PRICKLE2: variants seen among roughly 807,000 people sequenced by gnomAD.
PRICKLE2 encodes prickle planar cell polarity protein 2.
In PRICKLE2, 21 loss-of-function variants were observed where a neutral mutation model predicts 81.4. The ratio of observed to expected loss-of-function variants is 0.26; its 90% CI spans 0.18 to 0.37. PRICKLE2 has a LOEUF of 0.37. Among genes scored for constraint, PRICKLE2 ranks in the 10% least tolerant of loss-of-function variants. The probability of loss-of-function intolerance (pLI) is 1.00; values close to 1 mark genes in which losing one functional copy is unlikely to be tolerated. For missense variants in PRICKLE2, 940 were observed against 1,109.0 expected (o/e 0.85, Z 2.16); for synonymous variants, 456 against 421.5 (o/e 1.08, Z -1.00).
chr3:64,238,933 C>T (rs2079221307), intron 2 of PRICKLE2, among the ~76,000 whole-genome samples: 1 of 152,132 alleles, frequency 6.6e-6, no homozygotes, highest in Non-Finnish European at 1.5e-5. Context: ...AGTCAGCCCA[C>T]CCAACCCAAG....
At chr3:64,197,399 AGTATCT>A (rs2078475663) in intron 2 of PRICKLE2, among the ~76,000 whole-genome samples, 1 of 152,152 alleles carries the variant, frequency 6.6e-6, no homozygotes. Flanking sequence ...CGTTCCTTTA[AGTATCT>A]GTTCATGACC....
intron 7 of PRICKLE2, among the ~76,000 whole-genome samples, chr3:64,123,914 A>G (rs1015344933): frequency 6.6e-6 from 1 of 152,156 alleles, no homozygotes; most frequent in Non-Finnish European, 1.5e-5. Context: ...TAGGTGTTCA[A>G]GTGAAAGGAA....
intron 2 of PRICKLE2, among the ~76,000 whole-genome samples, chr3:64,242,446 G>T (rs1193099888): frequency 6.6e-6 from 1 of 152,082 alleles, no homozygotes; most frequent in African/African-American, 2.4e-5. Flanking sequence ...CCTAGAAAAG[G>T]TATTTTAAAA....
At chr3:64,142,500 G>T (rs149881756) in intron 7 of PRICKLE2, among the ~76,000 whole-genome samples, 4 of 151,916 alleles carry the variant, frequency 2.6e-5, no homozygotes, top group Admixed American at 2.6e-4. Context: ...TAGTAGAGAC[G>T]GGGTTTTGCC....
intron 2 of PRICKLE2, among the ~76,000 whole-genome samples, chr3:64,263,681 G>A (rs1196544507): frequency 6.6e-6 from 1 of 152,108 alleles, no homozygotes; most frequent in Non-Finnish European, 1.5e-5. Flanking sequence ...ATTATGGATT[G>A]GAGGCAAGAA....
At chr3:64,183,197 A>C (rs573707652) in intron 2 of PRICKLE2, among the ~76,000 whole-genome samples, 2 of 152,288 alleles carry the variant, frequency 1.3e-5, no homozygotes, top group Admixed American at 6.5e-5. Flanking sequence ...ATTTGAACAA[A>C]TACAATTAGG....
intron 2 of PRICKLE2, among the ~76,000 whole-genome samples, chr3:64,266,116 G>C (rs530981318): frequency 3.7e-4 from 56 of 152,106 alleles, no homozygotes; most frequent in Admixed American, 3.6e-3. Context: ...TGTACCATCT[G>C]AGGCTGATTC....
intron 2 of PRICKLE2, among the ~76,000 whole-genome samples, chr3:64,255,993 C>G (rs2079519201): frequency 6.6e-6 from 1 of 152,158 alleles, no homozygotes; most frequent in African/African-American, 2.4e-5. Context: ...AGGAAAAAAG[C>G]AAGCTGGGTC....
intron 1 of PRICKLE2, among the ~76,000 whole-genome samples, chr3:64,205,556 C>T (rs146985771): frequency 3.3e-5 from 5 of 152,120 alleles, no homozygotes; most frequent in Admixed American, 2.0e-4. Context: ...TTTACAACAC[C>T]GAACCCTGAA....
At position 64,098,911 on chromosome 3, in the gene PRICKLE2, T is replaced by C. The variant is rs1159329514; in HGVS notation, c.*140A>G. On this transcript the variant is annotated 3_prime_UTR_variant, in exon 8 of 8. Coordinates refer to ENST00000638394, the MANE Select transcript of PRICKLE2 (RefSeq NM_198859.4). Reference sequence around the variant, plus strand: ...CTACCTATTGAGTCAACCTGTAACCTTGCCTCCATCTACTGACAGCATTTT... The same window carrying C: ...CTACCTATTGAGTCAACCTGTAACCCTGCCTCCATCTACTGACAGCATTTT... 3 of 889,234 alleles carry C rather than the reference T, an allele frequency of 3.4e-6. No homozygotes were observed. The highest frequency in any genetic ancestry group is 1.8e-5 in the Admixed American group (1 of 54,286). 55.1% of individuals were successfully genotyped at this position (889,234 alleles called of 1,614,324 possible).
At chr3:64,228,190 G>C (rs2079055139), upstream of PRICKLE2, among the ~76,000 whole-genome samples, 1 of 152,176 alleles carries the variant, frequency 6.6e-6, no homozygotes, top group Non-Finnish European at 1.5e-5. Context: ...CACTGTGCTA[G>C]GGTCTGGGGA....
intron 7 of PRICKLE2, among the ~76,000 whole-genome samples, chr3:64,135,793 G>A (rs1171588761): frequency 6.6e-6 from 1 of 152,160 alleles, no homozygotes; most frequent in East Asian, 1.9e-4. Context: ...GAAAACTGGG[G>A]AGAGTGAAAC....
rs1409963646 is a variant in PRICKLE2 at position 64,139,203 on chromosome 3, C to T, written c.1660+7627G>A. Among the ~76,000 whole-genome samples, 4 of 139,742 alleles carry T rather than the reference C, an allele frequency of 2.9e-5. No homozygotes were observed. In the South Asian group the frequency reaches 6.9e-4, roughly 24 times the overall value. 91.7% of individuals were successfully genotyped at this position (139,742 alleles called of 152,430 possible). On this transcript the variant is annotated intron_variant, in intron 7 of 7. Coordinates refer to ENST00000638394, the MANE Select transcript of PRICKLE2 (RefSeq NM_198859.4). ...AGGTGTGTAAAAGGCATGGCCTTGACACAACAATGCAACACTGATCAAAGA... is the reference window on the plus strand; with the variant it reads ...AGGTGTGTAAAAGGCATGGCCTTGATACAACAATGCAACACTGATCAAAGA...
chr3:64,234,437 T>C (rs1026866524), intron 2 of PRICKLE2, among the ~76,000 whole-genome samples: 4 of 152,210 alleles, frequency 2.6e-5, no homozygotes, highest in African/African-American at 7.2e-5. Flanking sequence ...TTCATATGTG[T>C]GTTGGCTATT....
chr3:64,163,303 A>G, intron 2 of PRICKLE2, 174 bp from the exon 3 acceptor site: 1 of 657,768 alleles, frequency 1.5e-6, no homozygotes, highest in Non-Finnish European at 2.8e-6. Flanking sequence ...ATTCATCCTT[A>G]AAGCAAGAGT....
chr3:64,262,147 A>C (rs2079624061), intron 2 of PRICKLE2, among the ~76,000 whole-genome samples: 2 of 152,084 alleles, frequency 1.3e-5, no homozygotes, highest in Admixed American at 6.5e-5. Flanking sequence ...CATTTTCAGC[A>C]CCCCAGGAAG....
At chr3:64,165,027 T>C (rs1475315359) in intron 2 of PRICKLE2, among the ~76,000 whole-genome samples, 1 of 152,206 alleles carries the variant, frequency 6.6e-6, no homozygotes, top group Non-Finnish European at 1.5e-5. Context: ...CCTTGTTCCA[T>C]CATTACTTTG....
rs1320329629 is a variant in PRICKLE2, at chr3:64,099,888, G to A, written c.1698C>T (p.His566=). 6.2e-7 allele frequency: 1 copy of A among 1,614,208 alleles called. No homozygotes were observed. Among genetic ancestry groups the A allele is most frequent in the Admixed American group, 1.7e-5 (1 of 60,036 alleles). ...GGTCAGGCATGGAAAATCGGGATAGGTGCTCCTGGCGCTTGGCACCACCAT... is the reference window on the plus strand; with the variant it reads ...GGTCAGGCATGGAAAATCGGGATAGATGCTCCTGGCGCTTGGCACCACCAT... ...SADGGAKRQE[H]LSRFSMPDLS... The change falls in exon 8 of 8, where the codon CAC becomes CAT. Residue 566 remains histidine, a synonymous_variant. Coordinates refer to ENST00000638394, the MANE Select transcript of PRICKLE2 (RefSeq NM_198859.4). This position sits in a 1 kb window ranked among gnomAD's most constrained non-coding sequence, Gnocchi z 4.3.
intron 5 of PRICKLE2, 108 bp downstream of exon 5, chr3:64,157,054 T>C: frequency 9.7e-7 from 1 of 1,025,868 alleles, no homozygotes; most frequent in Non-Finnish European, 1.5e-6. Context: ...TGCAAGAAAA[T>C]GAAGTTGCCT....
Sources: allele counts gnomAD v4.1 joint callset (sites outside exome capture counted in the v4.1 genomes callset), GRCh38; gene constraint gnomAD v4.1.1; non-coding constraint Gnocchi (gnomAD v3.1); transcripts MANE v1.5; gene names NCBI Gene and HGNC (gene_info 2026-07-23, HGNC 2026-07-21).